Variants in DRC11 observed in about 807,000 individuals in gnomAD.
DRC11 encodes the protein dynein regulatory complex subunit 11.
the DRC11 span, among the ~76,000 whole-genome samples, chr2:236,458,149 G>A: frequency 6.6e-6 from 1 of 152,302 alleles, no homozygotes; most frequent in Non-Finnish European, 1.5e-5. Context: ...TTGTGACTCT[G>A]GGAGTAGGAG....
chr2:236,368,174 C>A, the DRC11 span: 1 of 1,458,074 alleles, frequency 6.9e-7, no homozygotes, highest in Non-Finnish European at 9.5e-7. Context: ...AAGGCACATC[C>A]GCGCACGCCG....
the DRC11 span, among the ~76,000 whole-genome samples, chr2:236,359,222 C>CTA: frequency 1.5e-4 from 23 of 151,448 alleles, no homozygotes; most frequent in Admixed American, 5.3e-4. The surrounding 1 kb of genome is among the most constrained non-coding windows in gnomAD (Gnocchi z 4.3). Context: ...ACTATATATA[C>CTA]TATATATATA....
the DRC11 span, among the ~76,000 whole-genome samples, chr2:236,445,510 TTG>T: frequency 1.3e-5 from 2 of 151,588 alleles, no homozygotes; most frequent in Non-Finnish European, 2.9e-5. This position sits in a 1 kb window ranked among gnomAD's most constrained non-coding sequence, Gnocchi z 4.8. Flanking sequence ...TTTTTTTTTT[TTG>T]TATTTTTTGT....
the DRC11 span, among the ~76,000 whole-genome samples, chr2:236,440,059 T>C: frequency 3.3e-5 from 5 of 152,196 alleles, no homozygotes; most frequent in African/African-American, 1.2e-4. Flanking sequence ...ATTTGTTGAA[T>C]GTTTATATAT....
the DRC11 span, among the ~76,000 whole-genome samples, chr2:236,374,393 C>T: frequency 2.6e-5 from 4 of 152,130 alleles, no homozygotes; most frequent in African/African-American, 9.7e-5. Flanking sequence ...TATTTGACTA[C>T]TTTGGTTAGA....
At chr2:236,459,580 C>T in the DRC11 span, among the ~76,000 whole-genome samples, 21 of 141,078 alleles carry the variant, frequency 1.5e-4, no homozygotes, top group African/African-American at 4.0e-4. Flanking sequence ...TGTATACATA[C>T]GTATATACGT....
chr2:236,487,646 G>T, the DRC11 span, among the ~76,000 whole-genome samples: 130 of 152,194 alleles, frequency 8.5e-4, no homozygotes, highest in Non-Finnish European at 1.9e-4. Context: ...TTAAGGCCTG[G>T]TCCCTCTTCT....
the DRC11 span, among the ~76,000 whole-genome samples, chr2:236,386,983 T>C: frequency 1.3e-5 from 2 of 149,900 alleles, no homozygotes; most frequent in Non-Finnish European, 3.0e-5. Context: ...TTGAGTGAGA[T>C]TCTTAATCCT....
chr2:236,419,101 A>G, the DRC11 span: 41 of 1,497,632 alleles, frequency 2.7e-5, no homozygotes, highest in Non-Finnish European at 2.7e-6. The surrounding 1 kb of genome is among the most constrained non-coding windows in gnomAD (Gnocchi z 4.8). Flanking sequence ...AGAAGTCAAT[A>G]AAAAGAAAAT....
the DRC11 span, chr2:236,344,551 C>A: frequency 1.4e-4 from 232 of 1,606,566 alleles, 1 homozygote; most frequent in African/African-American, 2.8e-3. Context: ...ATGAGAAAGT[C>A]CTCACCATCT....
At chr2:236,396,702 C>T in the DRC11 span, among the ~76,000 whole-genome samples, 2 of 152,300 alleles carry the variant, frequency 1.3e-5, no homozygotes, top group South Asian at 2.1e-4. Flanking sequence ...TAATAAAAAA[C>T]CTGTCCCACT....
At chr2:236,319,826 A>G in the DRC11 span, among the ~76,000 whole-genome samples, 1 of 152,230 alleles carries the variant, frequency 6.6e-6, no homozygotes, top group Non-Finnish European at 1.5e-5. This position sits in a 1 kb window ranked among gnomAD's most constrained non-coding sequence, Gnocchi z 6.7. Context: ...ATTCTCCATC[A>G]GAAAAGGGTT....
the DRC11 span, among the ~76,000 whole-genome samples, chr2:236,362,948 A>G: frequency 6.6e-6 from 1 of 152,286 alleles, no homozygotes; most frequent in Admixed American, 6.5e-5. This position sits in a 1 kb window ranked among gnomAD's most constrained non-coding sequence, Gnocchi z 5.7. Context: ...CTAAGGAGAC[A>G]TTCCTGTCCG....
the DRC11 span, among the ~76,000 whole-genome samples, chr2:236,444,039 G>T: frequency 1.3e-5 from 2 of 148,222 alleles, no homozygotes; most frequent in East Asian, 2.0e-4. Flanking sequence ...TAATGGGGTT[G>T]TTTTTTTTCA....
At chr2:236,394,405 G>A in the DRC11 span, among the ~76,000 whole-genome samples, 269 of 152,274 alleles carry the variant, frequency 1.8e-3, 3 homozygotes, top group African/African-American at 3.5e-3. The surrounding 1 kb of genome is among the most constrained non-coding windows in gnomAD (Gnocchi z 7.0). Context: ...GGCCGAGGTG[G>A]GCAGATCCCG....
the DRC11 span, among the ~76,000 whole-genome samples, chr2:236,457,438 A>G: frequency 6.6e-6 from 1 of 152,186 alleles, no homozygotes; most frequent in Non-Finnish European, 1.5e-5. This position sits in a 1 kb window ranked among gnomAD's most constrained non-coding sequence, Gnocchi z 4.7. Context: ...TTCTTCCTTC[A>G]TTATGAACGC....
chr2:236,482,030 A>G, the DRC11 span, among the ~76,000 whole-genome samples: 1 of 93,708 alleles, frequency 1.1e-5, no homozygotes, highest in South Asian at 2.8e-4. This position sits in a 1 kb window ranked among gnomAD's most constrained non-coding sequence, Gnocchi z 4.5. Context: ...TATTATATGT[A>G]TAATTCTAGG....
chr2:236,418,450 T>A, the DRC11 span, among the ~76,000 whole-genome samples: 133 of 152,318 alleles, frequency 8.7e-4, no homozygotes, highest in African/African-American at 3.1e-3. Flanking sequence ...TGCAACACAC[T>A]CTACTTCAAA....
At chr2:236,456,355 C>T in the DRC11 span, among the ~76,000 whole-genome samples, 7 of 152,218 alleles carry the variant, frequency 4.6e-5, no homozygotes, top group South Asian at 6.2e-4. The surrounding 1 kb of genome is among the most constrained non-coding windows in gnomAD (Gnocchi z 5.4). Context: ...GTGATAGAGC[C>T]GGGATTTGAA....
Sources: gnomAD v4.1 joint callset for allele counts (sites outside exome capture counted in the v4.1 genomes callset) on GRCh38, gnomAD v4.1.1 for gene constraint, Gnocchi (gnomAD v3.1) non-coding constraint, MANE v1.5 for transcripts, NCBI Gene and HGNC (gene_info 2026-07-23, HGNC 2026-07-21) for gene names.